Variants in MEI1 observed in about 807,000 individuals in gnomAD.
MEI1 encodes meiosis inhibitor protein 1.
In MEI1, 103 loss-of-function variants were observed where a neutral mutation model predicts 146.2. The observed-to-expected ratio is 0.70, with a 90% confidence interval of 0.60 to 0.83. The LOEUF (loss-of-function observed/expected upper bound fraction) is 0.83. MEI1 is among the 40% of genes least tolerant of loss of function. MEI1 has a pLI of 0.00. For synonymous variants in MEI1, 652 were observed against 628.2 expected (o/e 1.04, Z -0.57); for missense variants, 1,529 against 1,533.0 (o/e 1.00, Z 0.04).
chr22:41,793,411 C>T (rs146181653), intron 26 of MEI1, among the ~76,000 whole-genome samples: 1,818 of 152,224 alleles, frequency 0.012, 37 homozygotes, highest in African/African-American at 0.042. Context: ...AATCGATTCT[C>T]CTGCCTCAAC....
intron 6 of MEI1, among the ~76,000 whole-genome samples, chr22:41,719,927 C>G (rs1439278472): frequency 1.3e-5 from 2 of 152,150 alleles, no homozygotes; most frequent in Non-Finnish European, 2.9e-5. Context: ...AGCTTCTTTT[C>G]AAAATTTGGA....
chr22:41,706,235 T>C (rs1049555263), intron 3 of MEI1, among the ~76,000 whole-genome samples: 2 of 151,904 alleles, frequency 1.3e-5, no homozygotes, highest in Admixed American at 6.6e-5. Flanking sequence ...ACTAGGCTGG[T>C]CTCAAACGGC....
chr22:41,747,597 G>A (rs747539841), intron 14 of MEI1, among the ~76,000 whole-genome samples: 17 of 152,104 alleles, frequency 1.1e-4, no homozygotes, highest in Non-Finnish European at 2.2e-4. Flanking sequence ...CCAGCTACCT[G>A]GGAGGATGAG....
At chr22:41,781,887 C>A (rs757442816) in intron 24 of MEI1, 42 bp downstream of exon 24, 1 of 1,605,926 alleles carries the variant, frequency 6.2e-7, no homozygotes, top group Non-Finnish European at 8.5e-7. Context: ...TGGGGTGGCA[C>A]TCAAAGGAGT....
At chr22:41,714,154 G>A in intron 4 of MEI1, 79 bp downstream of exon 4, 2 of 1,367,772 alleles carry the variant, frequency 1.5e-6, no homozygotes, top group Non-Finnish European at 2.0e-6. Flanking sequence ...GAACAAATGA[G>A]AGATTGAAGT....
At chr22:41,739,076 C>A (rs944961712) in intron 11 of MEI1, among the ~76,000 whole-genome samples, 1 of 150,200 alleles carries the variant, frequency 6.7e-6, no homozygotes, top group Non-Finnish European at 1.5e-5. Flanking sequence ...AGGTGCATCA[C>A]CTGAGGTCAG....
intron 30 of MEI1, among the ~76,000 whole-genome samples, chr22:41,797,210 A>G (rs1242360677): frequency 6.6e-6 from 1 of 151,972 alleles, no homozygotes; most frequent in African/African-American, 2.4e-5. Context: ...GCTTGTCTCA[A>G]ACTCCTGAGC....
chr22:41,784,673 G>T lies in MEI1; in HGVS notation c.3235G>T (p.Val1079Leu), dbSNP rs1334686878. The part of the protein sequence containing the change: ...QSFSSALVAL[V>L]PSGAQPLPAT... ...CTTTTCCTCTGCCCTGGTAGCCCTG[G>T]TGCCCTCAGGGGCCCAGCCACTGCC... The change falls in exon 26 of 31, where the codon GTG (valine) becomes TTG (leucine). Residue 1079 changes from valine (V) to leucine (L), a missense_variant. By Grantham distance (32) the Val-to-Leu change is conservative. This residue lies in a region of MEI1 where 313 missense variants were observed against 337.3 expected (regional missense o/e 0.93). Coordinates refer to ENST00000401548, the MANE Select transcript of MEI1 (RefSeq NM_152513.4). The T allele has an allele frequency of 6.2e-7, 1 of 1,613,578 alleles. No individual in the cohort carries two copies. The highest frequency in any genetic ancestry group is 2.2e-5 in the East Asian group (1 of 44,874).
At chr22:41,712,550 A>G (rs1206494107) in intron 3 of MEI1, among the ~76,000 whole-genome samples, 1 of 151,836 alleles carries the variant, frequency 6.6e-6, no homozygotes, top group Admixed American at 6.6e-5. Flanking sequence ...GCAGTTTTCA[A>G]ACCTGGCTTC....
chr22:41,754,074 G>A (rs748240101), intron 17 of MEI1, 28 bp downstream of exon 17: 7 of 1,532,448 alleles, frequency 4.6e-6, no homozygotes, highest in South Asian at 1.1e-5. Context: ...GACCACTCAT[G>A]TGGCCTGTGC....
At chr22:41,771,738 G>A (rs192015909) in intron 20 of MEI1, among the ~76,000 whole-genome samples, 59 of 152,264 alleles carry the variant, frequency 3.9e-4, no homozygotes, top group African/African-American at 1.4e-3. Context: ...AAACTGCCTA[G>A]TGGCTGGCTT....
At chr22:41,722,595 C>T (rs1160301103) in intron 6 of MEI1, among the ~76,000 whole-genome samples, 2 of 151,554 alleles carry the variant, frequency 1.3e-5, no homozygotes, top group African/African-American at 4.9e-5. Context: ...CTAACTCAGC[C>T]TTACTGAACC....
intron 5 of MEI1, among the ~76,000 whole-genome samples, chr22:41,716,355 CTTTTTTTTTTTTTT>C (rs6147630): frequency 8.4e-6 from 1 of 118,578 alleles, no homozygotes; most frequent in Admixed American, 1.0e-4. Flanking sequence ...TCCATTCATT[CTTTTTTTTTTTTTT>C]TTTTTTTTTT....
intron 17 of MEI1, among the ~76,000 whole-genome samples, chr22:41,755,959 T>C (rs2074067489): frequency 6.6e-6 from 1 of 152,094 alleles, no homozygotes; most frequent in South Asian, 2.1e-4. Flanking sequence ...TTTCAATCTC[T>C]CATCCACTCA....
intron 3 of MEI1, among the ~76,000 whole-genome samples, chr22:41,707,647 A>T (rs1362620094): frequency 6.6e-6 from 1 of 152,252 alleles, no homozygotes; most frequent in African/African-American, 2.4e-5. Context: ...TCTCTTAAAA[A>T]AAAAGTGTTA....
chr22:41,766,656 C>T (rs2074875885), intron 19 of MEI1, among the ~76,000 whole-genome samples: 2 of 152,060 alleles, frequency 1.3e-5, no homozygotes, highest in Admixed American at 6.6e-5. Flanking sequence ...AAGCAATATT[C>T]CCACCTCAGC....
chr22:41,723,643 A>G (rs2071065504), intron 6 of MEI1, among the ~76,000 whole-genome samples: 1 of 152,152 alleles, frequency 6.6e-6, no homozygotes, highest in Admixed American at 6.5e-5. Flanking sequence ...GTTATGTTGA[A>G]AAAACTCACA....
chr22:41,799,213 C>CTGG lies in MEI1; in HGVS notation c.3780-41_3780-40insTGG, dbSNP rs2076490391. The stretch of plus-strand genomic sequence containing the variant: ...GGAAGTGTGATGCCCCCATGGTTGG[C>CTGG]CCCACTTCTCTGCTGTTTTCCTCTC... On this transcript the variant is annotated intron_variant, in intron 30 of 30. Transcript: ENST00000401548. 5 of 1,605,768 alleles carry CTGG rather than the reference C, an allele frequency of 3.1e-6. No homozygotes were observed. In the East Asian group the frequency reaches 1.1e-4, roughly 36 times the overall value.
intron 4 of MEI1, among the ~76,000 whole-genome samples, chr22:41,715,259 G>T (rs917382038): frequency 6.6e-6 from 1 of 152,004 alleles, no homozygotes; most frequent in Non-Finnish European, 1.5e-5. Context: ...TAAGAATCTT[G>T]CCAAAAGTGG....
Sources: allele counts gnomAD v4.1 joint callset (sites outside exome capture counted in the v4.1 genomes callset), GRCh38; gene constraint gnomAD v4.1.1; regional missense constraint gnomAD v4.1.1; transcripts MANE v1.5; gene names NCBI Gene and HGNC (gene_info 2026-07-23, HGNC 2026-07-21).